BACH2: variants seen among roughly 807,000 people sequenced by gnomAD.
The protein encoded by BACH2 is transcription regulator protein BACH2.
In BACH2, 5 loss-of-function variants were observed where a neutral mutation model predicts 61.8. The observed-to-expected ratio is 0.08, with a 90% confidence interval of 0.04 to 0.17. The LOEUF (loss-of-function observed/expected upper bound fraction) is 0.17, where lower values mean the gene tolerates loss of function less well. Ranked by LOEUF, BACH2 falls within the 10% of genes least tolerant of loss-of-function variation. The pLI is 1.00. For missense variants in BACH2, 824 were observed against 1,091.1 expected (o/e 0.76, Z 3.45); for synonymous variants, 446 against 440.1 (o/e 1.01, Z -0.17).
intron 6 of BACH2, chr6:90,001,514 C>T (rs567595659): frequency 4.3e-4 from 65 of 152,312 alleles, no homozygotes; most frequent in Admixed American, 4.2e-3. Flanking sequence ...TCCAGAAACA[C>T]CAAATCTTGA....
chr6:89,974,458 C>T (rs1775540559), intron 6 of BACH2, among the ~76,000 whole-genome samples: 1 of 152,184 alleles, frequency 6.6e-6, no homozygotes. Flanking sequence ...AAAACAGAGT[C>T]CTTTTCTTAG....
intron 6 of BACH2, among the ~76,000 whole-genome samples, chr6:89,962,746 A>G (rs947503109): frequency 6.6e-6 from 1 of 152,220 alleles, no homozygotes; most frequent in African/African-American, 2.4e-5. Flanking sequence ...AAATGTCTTG[A>G]ACCCAAAATT....
rs1306672525 is a variant in BACH2, at chr6:90,296,472, G to C, written c.-446+8C>G. ...GGCGGGGCCCGGGGCCCGGGGCCCG[G>C]GACTCACCTCGCCGGAGAACTTTGC... On this transcript the variant is annotated splice_region_variant and intron_variant, in intron 1 of 8. Transcript: ENST00000257749. 5.3e-5 allele frequency: 8 copies of C among 150,918 alleles called. No individual in the cohort carries two copies. The highest frequency in any genetic ancestry group is 1.9e-4 in the African/African-American group (8 of 41,242). 9.3% of individuals were successfully genotyped at this position (150,918 alleles called of 1,614,324 possible).
chr6:89,984,430 G>C (rs565548118), intron 6 of BACH2, among the ~76,000 whole-genome samples: 1 of 152,072 alleles, frequency 6.6e-6, no homozygotes, highest in Admixed American at 6.5e-5. Flanking sequence ...CATAAAGAGG[G>C]CTACAGAAAT....
At chr6:90,129,011 A>G (rs1783987108) in intron 4 of BACH2, among the ~76,000 whole-genome samples, 1 of 152,094 alleles carries the variant, frequency 6.6e-6, no homozygotes, top group Non-Finnish European at 1.5e-5. Flanking sequence ...GAATTGAACA[A>G]TGAGAACACT....
intron 7 of BACH2, among the ~76,000 whole-genome samples, chr6:89,946,694 C>T (rs188110134): frequency 1.3e-5 from 2 of 152,286 alleles, no homozygotes; most frequent in African/African-American, 4.8e-5. Flanking sequence ...AAGCTGCTAA[C>T]TCTACAACAT....
intron 4 of BACH2, among the ~76,000 whole-genome samples, chr6:90,143,742 A>G (rs1312375976): frequency 6.6e-6 from 1 of 152,122 alleles, no homozygotes; most frequent in Non-Finnish European, 1.5e-5. Flanking sequence ...CTCCTTGAAT[A>G]AGCCCTGACT....
intron 4 of BACH2, among the ~76,000 whole-genome samples, chr6:90,176,437 C>T (rs533044600): frequency 3.9e-5 from 6 of 152,210 alleles, no homozygotes; most frequent in African/African-American, 7.2e-5. Context: ...AGGCACCTCA[C>T]GGCACCTGGA....
chr6:90,065,328 C>T (rs370352769), intron 5 of BACH2, among the ~76,000 whole-genome samples: 160 of 119,752 alleles, frequency 1.3e-3, no homozygotes, highest in African/African-American at 4.1e-3. Context: ...TAAAGAATTC[C>T]AGGCTAGCCT....
At chr6:90,109,084 TGAAG>T (rs1783053586) in intron 4 of BACH2, among the ~76,000 whole-genome samples, 1 of 152,342 alleles carries the variant, frequency 6.6e-6, no homozygotes, top group African/African-American at 2.4e-5. Flanking sequence ...GCCCCTGTTC[TGAAG>T]GAAGACCCTC....
intron 5 of BACH2, among the ~76,000 whole-genome samples, chr6:90,057,877 G>T (rs1241581863): frequency 6.6e-6 from 1 of 151,576 alleles, no homozygotes; most frequent in Non-Finnish European, 1.5e-5. Context: ...CAAAAATCAC[G>T]ATTATCTCAA....
At chr6:90,233,876 T>G (rs1482606744) in intron 3 of BACH2, among the ~76,000 whole-genome samples, 3 of 152,136 alleles carry the variant, frequency 2.0e-5, no homozygotes, top group African/African-American at 7.2e-5. Flanking sequence ...ATAGCACACC[T>G]GAGCAGAAAG....
At chr6:90,190,958 T>G (rs371651409) in intron 4 of BACH2, among the ~76,000 whole-genome samples, 11 of 152,168 alleles carry the variant, frequency 7.2e-5, no homozygotes, top group African/African-American at 2.7e-4. Context: ...ATGATGCAGA[T>G]AGCAACTCTG....
rs1554227943 is a variant in BACH2 at position 90,011,930 on chromosome 6, A to ATG, written c.-12-3075_-12-3074insCA. On this transcript the variant is annotated intron_variant, in intron 5 of 8. Transcript: ENST00000257749. ...GCAAGACTCTGTCTCAAAAAAAAAA[A>ATG]TATGTGTGTGTGTGTGTGTGTGTGT... is the stretch of plus-strand genomic sequence containing the variant. 3.8e-3 allele frequency among the ~76,000 whole-genome samples: 379 copies of ATG among 98,754 alleles called. 1 individual carries two copies. The highest frequency in any genetic ancestry group is 0.012 in the South Asian group (32 of 2,648). The allele number at this position is 98,754 out of a possible 152,430, so 64.8% of individuals were successfully genotyped here.
chr6:90,226,691 C>T (rs1479803128), intron 3 of BACH2, among the ~76,000 whole-genome samples: 1 of 151,892 alleles, frequency 6.6e-6, no homozygotes, highest in African/African-American at 2.4e-5. Flanking sequence ...AGCCCAAGTC[C>T]TTAGAATTTT....
At position 89,989,675 on chromosome 6, in the gene BACH2, A is replaced by G. The variant is rs534363129; in HGVS notation, c.243+18927T>C. Among the ~76,000 whole-genome samples, 5 of 152,346 alleles carry G rather than the reference A, an allele frequency of 3.3e-5. 1 individual carries two copies. Among genetic ancestry groups the G allele is most frequent in the East Asian group, 3.9e-4 (2 of 5,188 alleles). On this transcript the variant is annotated intron_variant, in intron 6 of 8. Coordinates refer to ENST00000257749, the MANE Select transcript of BACH2 (RefSeq NM_021813.4). The stretch of plus-strand genomic sequence containing the variant: ...TCTACTAAGGGCCCAAGTTGTCCCC[A>G]TGTCAAATACATTCTCTGAAGTCCA...
intron 4 of BACH2, among the ~76,000 whole-genome samples, chr6:90,143,901 C>T (rs1433746806): frequency 6.6e-6 from 1 of 152,110 alleles, no homozygotes; most frequent in Non-Finnish European, 1.5e-5. Flanking sequence ...TCTTCAGCAT[C>T]CCTGTGGAGA....
At chr6:90,089,555 G>C (rs1782074357) in intron 4 of BACH2, among the ~76,000 whole-genome samples, 1 of 152,090 alleles carries the variant, frequency 6.6e-6, no homozygotes, top group African/African-American at 2.4e-5. Context: ...GAAATGAGAT[G>C]ATTCCCTGAT....
At chr6:89,981,647 G>A (rs1014030459) in intron 6 of BACH2, among the ~76,000 whole-genome samples, 1 of 152,174 alleles carries the variant, frequency 6.6e-6, no homozygotes, top group African/African-American at 2.4e-5. Flanking sequence ...AGTTAAGAAA[G>A]TCTTGGAGAA....
Sources: allele counts gnomAD v4.1 joint callset (sites outside exome capture counted in the v4.1 genomes callset), GRCh38; gene constraint gnomAD v4.1.1; transcripts MANE v1.5; gene names NCBI Gene and HGNC (gene_info 2026-07-23, HGNC 2026-07-21).